PHLDB2: variants seen among roughly 807,000 people sequenced by gnomAD.
PHLDB2 encodes pleckstrin homology like domain family B member 2, also known as pleckstrin homology-like domain family B member 2.
Under a neutral mutation model 123.6 loss-of-function variants are expected in PHLDB2, and 71 were observed. That is an observed-to-expected ratio of 0.57 (90% CI 0.47 to 0.70). PHLDB2 has a LOEUF of 0.70. PHLDB2 is among the 30% of genes least tolerant of loss of function. The pLI is 0.00. For missense variants in PHLDB2, 1,446 were observed against 1,519.5 expected, an observed-to-expected ratio of 0.95 and a Z score of 0.80; for synonymous variants, 547 against 541.6, an observed-to-expected ratio of 1.01 and a Z score of -0.14.
intron 2 of PHLDB2, among the ~76,000 whole-genome samples, chr3:111,852,779 CACAT>C (rs1220056247): frequency 3.3e-5 from 5 of 149,490 alleles, no homozygotes; most frequent in South Asian, 4.2e-4. Context: ...CACACACACA[CACAT>C]ACACACACAC....
At position 111,747,120 on chromosome 3, in the gene PHLDB2, C is replaced by T. The variant is rs544310747; in HGVS notation, c.-49+14417C>T. Among the ~76,000 whole-genome samples, 4 of 152,278 alleles carry T rather than the reference C, an allele frequency of 2.6e-5. No homozygotes were observed. The South Asian group carries it at 8.3e-4, about 32-fold the overall frequency. On this transcript the variant is annotated intron_variant, in intron 1 of 17. Transcript: ENST00000393923. ...ATGAAATTCTACTTCACTTGATAAA[C>T]TTTCAGCAGAATGCAAGATGATATG...
intron 1 of PHLDB2, among the ~76,000 whole-genome samples, chr3:111,752,413 T>C (rs936828670): frequency 7.2e-5 from 11 of 152,192 alleles, no homozygotes; most frequent in African/African-American, 1.9e-4. Flanking sequence ...ATAGAAATAA[T>C]GTTTTCACAT....
chr3:111,882,542 A>G (rs899818598), intron 1 of PHLDB2, among the ~76,000 whole-genome samples: 2 of 152,232 alleles, frequency 1.3e-5, no homozygotes, highest in South Asian at 2.1e-4. Context: ...GGAGCCAAAT[A>G]TAATGAAGAA....
chr3:111,795,378 G>C lies in PHLDB2; in HGVS notation c.-48-50443G>C, dbSNP rs570317118. Among the ~76,000 whole-genome samples, 4 of 152,148 alleles carry C rather than the reference G, an allele frequency of 2.6e-5. No individual in the cohort carries two copies. The South Asian group carries it at 8.3e-4, about 32-fold the overall frequency. ...AAAGTGCACATTGTCCAAGACCTAT[G>C]GTCCATTTGAATGCAGTTGCTTCTG... is the stretch of plus-strand genomic sequence containing the variant. On this transcript the variant is annotated intron_variant, in intron 1 of 17. Coordinates refer to the PHLDB2 transcript ENST00000393923.
At chr3:111,871,243 T>G (rs1287474382) in intron 1 of PHLDB2, among the ~76,000 whole-genome samples, 1 of 152,242 alleles carries the variant, frequency 6.6e-6, no homozygotes, top group Admixed American at 6.5e-5. Flanking sequence ...ACTCACTTCG[T>G]ATAAATTACC....
chr3:111,925,645 G>C (rs964134405), intron 5 of PHLDB2, among the ~76,000 whole-genome samples: 4 of 152,200 alleles, frequency 2.6e-5, no homozygotes, highest in African/African-American at 7.2e-5. Flanking sequence ...TAATGGGCCT[G>C]GTGACAGAGT....
At chr3:111,888,492 G>A (rs11916434) in intron 2 of PHLDB2, among the ~76,000 whole-genome samples, 1,707 of 152,136 alleles carry the variant, frequency 0.011, 39 homozygotes, top group African/African-American at 0.038. Flanking sequence ...TAAGAAAATG[G>A]CAATAGATTA....
At chr3:111,759,353 T>C (rs2059955501) in intron 1 of PHLDB2, among the ~76,000 whole-genome samples, 1 of 152,180 alleles carries the variant, frequency 6.6e-6, no homozygotes, top group Non-Finnish European at 1.5e-5. Flanking sequence ...CTCTCTGGGG[T>C]TTCTTTTGTA....
intron 1 of PHLDB2, among the ~76,000 whole-genome samples, chr3:111,797,057 C>T (rs2061189606): frequency 6.6e-6 from 1 of 152,164 alleles, no homozygotes; most frequent in Non-Finnish European, 1.5e-5. Flanking sequence ...TTCCTGCCTA[C>T]CTTCTGGTCA....
At chr3:111,859,020 A>G (rs934278249), upstream of PHLDB2, among the ~76,000 whole-genome samples, 1 of 152,232 alleles carries the variant, frequency 6.6e-6, no homozygotes, top group Non-Finnish European at 1.5e-5. Flanking sequence ...TTGCAAGAAA[A>G]TCAGAATGAG....
At chr3:111,925,302 A>C (rs2068752756) in intron 5 of PHLDB2, among the ~76,000 whole-genome samples, 1 of 152,218 alleles carries the variant, frequency 6.6e-6, no homozygotes, top group Non-Finnish European at 1.5e-5. Flanking sequence ...AAATATAGTC[A>C]GTTTGTTCTA....
intron 10 of PHLDB2, among the ~76,000 whole-genome samples, 170 bp from the exon 11 acceptor site, chr3:111,952,402 A>T (rs1050731731): frequency 2.0e-5 from 3 of 152,246 alleles, no homozygotes; most frequent in African/African-American, 7.2e-5. Flanking sequence ...TTTAGTATCT[A>T]ATCAAATACT....
chr3:111,869,716 T>C (rs1029817766), intron 1 of PHLDB2, among the ~76,000 whole-genome samples: 5 of 152,166 alleles, frequency 3.3e-5, no homozygotes, highest in African/African-American at 1.2e-4. Context: ...TGTGTGTGTG[T>C]GTGTGTGTGT....
At chr3:111,973,035 A>T (rs2072312406) in intron 16 of PHLDB2, among the ~76,000 whole-genome samples, 1 of 152,176 alleles carries the variant, frequency 6.6e-6, no homozygotes, top group South Asian at 2.1e-4. Flanking sequence ...GCTGACACGC[A>T]CTGTGATCCT....
intron 6 of PHLDB2, among the ~76,000 whole-genome samples, chr3:111,936,582 A>T (rs1158605585): frequency 6.6e-6 from 1 of 152,162 alleles, no homozygotes; most frequent in Non-Finnish European, 1.5e-5. Context: ...CTAATTTTCA[A>T]CTTTCTTACT....
At chr3:111,796,271 A>G (rs1471401591) in intron 1 of PHLDB2, among the ~76,000 whole-genome samples, 1 of 152,190 alleles carries the variant, frequency 6.6e-6, no homozygotes, top group Non-Finnish European at 1.5e-5. Flanking sequence ...AGTGAAGACA[A>G]AGTAAATGAA....
chr3:111,770,563 C>A (rs1398953349), intron 1 of PHLDB2, among the ~76,000 whole-genome samples: 2 of 152,160 alleles, frequency 1.3e-5, no homozygotes, highest in Non-Finnish European at 2.9e-5. Context: ...AGACTACAGA[C>A]ACGCACTTGG....
intron 3 of PHLDB2, 114 bp from the exon 4 acceptor site, chr3:111,918,958 T>A (rs1351724441): frequency 1.8e-6 from 2 of 1,088,342 alleles, no homozygotes; most frequent in Non-Finnish European, 2.7e-6. Flanking sequence ...GCTTTTAAAA[T>A]CTACATGGGC....
chr3:111,952,800 G>T, intron 11 of PHLDB2, 88 bp downstream of exon 11: 8 of 1,431,054 alleles, frequency 5.6e-6, no homozygotes, highest in Non-Finnish European at 7.6e-6. Context: ...TTAAAGAAAA[G>T]TGCTAAATAA....
Sources: gnomAD v4.1 joint callset for allele counts (sites outside exome capture counted in the v4.1 genomes callset) on GRCh38, gnomAD v4.1.1 for gene constraint, MANE v1.5 for transcripts, NCBI Gene and HGNC (gene_info 2026-07-23, HGNC 2026-07-21) for gene names.